The following SPART variants were observed in gnomAD, a reference collection of about 807,000 sequenced individuals.
SPART encodes the protein spartin.
Under a neutral mutation model 58.7 loss-of-function variants are expected in SPART, and 35 were observed. The ratio of observed to expected loss-of-function variants is 0.60; its 90% CI spans 0.46 to 0.79. The LOEUF (loss-of-function observed/expected upper bound fraction) is 0.79. SPART is among the 30% of genes least tolerant of loss of function. The pLI is 0.00. For synonymous variants in SPART, 284 were observed against 280.7 expected (o/e 1.01, Z -0.12); for missense variants, 730 against 786.1 (o/e 0.93, Z 0.85).
upstream of SPART, among the ~76,000 whole-genome samples, chr13:36,351,125 G>T (rs925295076): frequency 1.3e-5 from 2 of 152,002 alleles, no homozygotes; most frequent in African/African-American, 4.8e-5. Context: ...TGTGATAATA[G>T]AATCTGCCTC....
At chr13:36,365,500 A>G in intron 1 of SPART, 1 of 371,080 alleles carries the variant, frequency 2.7e-6, no homozygotes, top group Admixed American at 4.0e-5. Flanking sequence ...AATATCTTAG[A>G]TTACTAGGAA....
chr13:36,329,460 G>T lies in SPART; in HGVS notation c.1066C>A (p.Pro356Thr). The T allele has an allele frequency of 6.2e-7, 1 of 1,614,086 alleles. No homozygotes were observed. Among genetic ancestry groups the T allele is most frequent in the Non-Finnish European group, 8.5e-7 (1 of 1,180,004 alleles). Residue 356 changes from proline to threonine, a missense_variant, in exon 4 of 9, where the codon CCC becomes ACC. Pro to Thr is a conservative substitution (Grantham distance 38). Coordinates refer to ENST00000438666, the MANE Select transcript of SPART (RefSeq NM_015087.5). Reference protein sequence around the residue: ...NEFQIPGRTRPSSDQLKEASG... With the variant: ...NEFQIPGRTRTSSDQLKEASG... ...GCTTCTTTTAGTTGGTCAGAGGAGG[G>T]TCTAGTTCTTCCAGGGATTTGGAAT...
upstream of SPART, chr13:36,346,528 C>G (rs1386459994): frequency 6.6e-6 from 1 of 152,470 alleles, no homozygotes; most frequent in Non-Finnish European, 1.5e-5. Flanking sequence ...ACGCGCGCGT[C>G]TTGCCAGCGG....
intron 1 of SPART, among the ~76,000 whole-genome samples, chr13:36,340,804 A>G (rs891275131): frequency 1.3e-5 from 2 of 152,352 alleles, no homozygotes; most frequent in African/African-American, 4.8e-5. Context: ...CTGTGAGAGT[A>G]TTCAGGGTTC....
intron 1 of SPART, among the ~76,000 whole-genome samples, chr13:36,338,162 G>C (rs1294022024): frequency 6.6e-6 from 1 of 152,112 alleles, no homozygotes; most frequent in Non-Finnish European, 1.5e-5. Context: ...CTTGGATAAG[G>C]GGTTAGGGGG....
rs116030407 is a variant in SPART at position 36,316,331 on chromosome 13, G to A, written c.1289-1910C>T. On this transcript the variant is annotated intron_variant, in intron 5 of 8. Coordinates refer to ENST00000438666, the MANE Select transcript of SPART (RefSeq NM_015087.5). ...CTCACGCCTGTAATCACAGTGTCAG[G>A]CCTCTGAGCCCAAGCCAAGCCATCG... is the stretch of plus-strand genomic sequence containing the variant. Among the ~76,000 whole-genome samples the A allele has an allele frequency of 2.7e-3, 405 of 152,338 alleles. 3 individuals are homozygous for A. Among genetic ancestry groups the A allele is most frequent in the African/African-American group, 9.2e-3 (383 of 41,574 alleles).
Position 36,320,088 on chromosome 13 carries a change from G to A in SPART, c.1289-5667C>T, listed in dbSNP as rs565658610. Among the ~76,000 whole-genome samples, 10 of 152,194 alleles carry A rather than the reference G, an allele frequency of 6.6e-5. No individual in the cohort carries two copies. In the South Asian group the frequency reaches 2.1e-3, roughly 32 times the overall value. Reference sequence around the variant, plus strand: ...GTTTTAGCCTAGCCCTCATGTCTGCGTGCAGCGGCTGCTGCTGCTTTAATA... The same window carrying A: ...GTTTTAGCCTAGCCCTCATGTCTGCATGCAGCGGCTGCTGCTGCTTTAATA... On this transcript the variant is annotated intron_variant, in intron 5 of 8. Transcript: ENST00000438666.
chr13:36,347,469 T>A (rs1233039179), upstream of SPART, among the ~76,000 whole-genome samples: 1 of 152,130 alleles, frequency 6.6e-6, no homozygotes, highest in Non-Finnish European at 1.5e-5. Context: ...GCCAGGCTGG[T>A]CTCGAATTCC....
chr13:36,316,599 C>T (rs954110913), intron 5 of SPART, among the ~76,000 whole-genome samples: 3 of 152,070 alleles, frequency 2.0e-5, no homozygotes, highest in Non-Finnish European at 4.4e-5. Context: ...AGAGAACAAA[C>T]CCCCTTTGAC....
intron 1 of SPART, among the ~76,000 whole-genome samples, chr13:36,361,848 G>A (rs2025648): frequency 1 from 152,321 of 152,376 alleles, 76,133 homozygotes; most frequent in East Asian, 1. Context: ...TGTAATCTCT[G>A]TTGATATTTA....
Position 36,315,259 on chromosome 13 carries a change from T to A in SPART, c.1289-838A>T, listed in dbSNP as rs547644080. Among the ~76,000 whole-genome samples the A allele has an allele frequency of 3.3e-5, 5 of 151,696 alleles. No individual in the cohort carries two copies. In the East Asian group the frequency reaches 9.7e-4, roughly 29 times the overall value. On this transcript the variant is annotated intron_variant, in intron 5 of 8. Transcript: ENST00000438666. ...GCCAGTGGAAATGTGGGGAAAGGAG[T>A]GGGAGAGGGATGGGAAAAGAAAAAA... is the stretch of plus-strand genomic sequence containing the variant.
rs1593284040 is a variant in SPART, at chr13:36,346,309, C to T, written c.-87G>A. 3 of 152,238 alleles carry T rather than the reference C, an allele frequency of 2.0e-5. No individual in the cohort carries two copies. In the South Asian group the frequency reaches 6.2e-4, roughly 31 times the overall value. The allele number at this position is 152,238 out of a possible 1,614,324, so 9.4% of individuals were successfully genotyped here. A position where few individuals can be genotyped will look rare whatever the true frequency, so the allele number is the denominator to read the frequency against. On this transcript the variant is annotated 5_prime_UTR_variant, in exon 1 of 9. Transcript: ENST00000438666. Reference sequence around the variant, plus strand: ...CGCGGCACGGACCAGCTCCCACTCCCTTACACTGGGCGCCGCTGCGCTCGC... The same window carrying T: ...CGCGGCACGGACCAGCTCCCACTCCTTTACACTGGGCGCCGCTGCGCTCGC...
intron 8 of SPART, among the ~76,000 whole-genome samples, chr13:36,310,930 C>T (rs1881024281): frequency 6.6e-6 from 1 of 152,122 alleles, no homozygotes; most frequent in Admixed American, 6.5e-5. Context: ...TCATGCATAC[C>T]GCTCTTCTCT....
chr13:36,318,432 C>G (rs576888384), intron 5 of SPART, among the ~76,000 whole-genome samples: 34 of 152,304 alleles, frequency 2.2e-4, no homozygotes, highest in African/African-American at 8.2e-4. Context: ...CAGCCCTAGA[C>G]CCTAAAAGGT....
chr13:36,364,542 C>T (rs1042028959), intron 1 of SPART, among the ~76,000 whole-genome samples: 8 of 152,082 alleles, frequency 5.3e-5, no homozygotes, highest in African/African-American at 9.7e-5. Flanking sequence ...GGCAATCCCA[C>T]GCTTTGTCAG....
At chr13:36,342,138 C>T (rs980271131) in intron 1 of SPART, among the ~76,000 whole-genome samples, 4 of 152,154 alleles carry the variant, frequency 2.6e-5, no homozygotes, top group East Asian at 1.9e-4. Flanking sequence ...GTGCTACATA[C>T]GATAGGACAC....
Position 36,304,493 on chromosome 13 carries a change from G to C in SPART, c.1873C>G (p.Leu625Val). Residue 625 changes from leucine to valine, a missense_variant, in exon 9 of 9, where the codon CTT becomes GTT. Coordinates refer to ENST00000438666, the MANE Select transcript of SPART (RefSeq NM_015087.5). The stretch of plus-strand genomic sequence containing the variant: ...TTATCAACTATCTGATAGTCCTCAA[G>C]GAGAGTGTGTCCTGTTTGTGTTGCA... ...KTATQTGHTL[L>V]EDYQIVDNSQ... 3 of 1,614,116 alleles carry C rather than the reference G, an allele frequency of 1.9e-6. No individual in the cohort carries two copies. Among genetic ancestry groups the C allele is most frequent in the Non-Finnish European group, 1.7e-6 (2 of 1,180,014 alleles).
chr13:36,323,502 C>G (rs1882624078), intron 5 of SPART, among the ~76,000 whole-genome samples: 1 of 152,188 alleles, frequency 6.6e-6, no homozygotes, highest in Admixed American at 6.5e-5. Context: ...CTCAGACTAG[C>G]TTTTAGTGAT....
intron 1 of SPART, among the ~76,000 whole-genome samples, chr13:36,360,074 T>C (rs1284763821): frequency 1.3e-5 from 2 of 151,766 alleles, no homozygotes; most frequent in African/African-American, 2.4e-5. Context: ...GGTGGGCAGA[T>C]CACGAGGTCA....
Sources: allele counts gnomAD v4.1 joint callset (sites outside exome capture counted in the v4.1 genomes callset), GRCh38; gene constraint gnomAD v4.1.1; transcripts MANE v1.5; gene names NCBI Gene and HGNC (gene_info 2026-07-23, HGNC 2026-07-21).